Variants in BSCL2 observed in about 807,000 individuals in gnomAD.
The protein encoded by BSCL2 is BSCL2 lipid droplet biogenesis associated, seipin.
BSCL2 carries 41 observed loss-of-function variants against 57.4 expected under a neutral mutation model. The observed-to-expected ratio is 0.71, with a 90% CI of 0.56 to 0.93. BSCL2 has a LOEUF of 0.93. BSCL2 is among the 40% of genes least tolerant of loss of function. The probability of loss-of-function intolerance (pLI) is 0.00; values close to 1 mark genes in which losing one functional copy is unlikely to be tolerated. For synonymous variants in BSCL2, 237 were observed against 227.3 expected (o/e 1.04, Z -0.38); for missense variants, 539 against 586.7 (o/e 0.92, Z 0.84).
At chr11:62,706,539 C>T in intron 1 of BSCL2, 1 of 458,188 alleles carries the variant, frequency 2.2e-6, no homozygotes, top group Non-Finnish European at 4.4e-6. Flanking sequence ...CCAAGATGTG[C>T]CCCAGGGGAT....
intron 3 of BSCL2, among the ~76,000 whole-genome samples, chr11:62,698,796 T>C (rs1444480751): frequency 6.6e-6 from 1 of 152,232 alleles, no homozygotes; most frequent in Admixed American, 6.5e-5. Flanking sequence ...GCTCCCTCCC[T>C]TGGCTCTCTG....
intron 2 of BSCL2, among the ~76,000 whole-genome samples, chr11:62,704,820 AC>A (rs1182125211): frequency 6.6e-6 from 1 of 152,012 alleles, no homozygotes; most frequent in Non-Finnish European, 1.5e-5. Flanking sequence ...AAGACGCAAG[AC>A]TCTCTGGGAA....
At chr11:62,694,853 C>A (rs1945410309) in intron 3 of BSCL2, 142 bp from the exon 4 acceptor site, 1 of 1,019,446 alleles carries the variant, frequency 9.8e-7, no homozygotes. Flanking sequence ...GCCTTTCAAT[C>A]TGTCATCCCA....
intron 6 of BSCL2, among the ~76,000 whole-genome samples, chr11:62,692,023 G>C (rs2134694101): frequency 6.8e-6 from 1 of 146,906 alleles, no homozygotes; most frequent in African/African-American, 2.5e-5. Context: ...CTGCACTCCA[G>C]CCTAGGCAAC....
At chr11:62,704,330 G>A (rs1945747499) in intron 2 of BSCL2, among the ~76,000 whole-genome samples, 1 of 131,390 alleles carries the variant, frequency 7.6e-6, no homozygotes, top group South Asian at 2.5e-4. Flanking sequence ...TCAGGAGATT[G>A]AGACCATCCT....
upstream of BSCL2, chr11:62,707,740 G>T: frequency 3.3e-6 from 1 of 303,750 alleles, no homozygotes; most frequent in Non-Finnish European, 6.4e-6. Flanking sequence ...CAGAAACTGA[G>T]ACCAGACCTC....
chr11:62,700,031 G>C (rs1945592565), intron 3 of BSCL2, among the ~76,000 whole-genome samples: 2 of 138,950 alleles, frequency 1.4e-5, no homozygotes, highest in Non-Finnish European at 3.0e-5. Flanking sequence ...CTTGAGCCTA[G>C]TAGTTTGAGA....
At chr11:62,698,670 T>C (rs999409315) in intron 3 of BSCL2, among the ~76,000 whole-genome samples, 4 of 152,236 alleles carry the variant, frequency 2.6e-5, no homozygotes, top group African/African-American at 9.6e-5. Context: ...ATGTTCATTG[T>C]CAACAAACAA....
At position 62,694,557 on chromosome 11, in the gene BSCL2, C is replaced by T. The variant is rs779498581; in HGVS notation, c.630+11G>A. ...CCTCCACACCTTCTCAGACAGGCCA[C>T]CAACACTTACCGAACGCGAAGAAGT... On this transcript the variant is annotated intron_variant, in intron 4 of 10. Transcript: ENST00000360796. The T allele has an allele frequency of 1.9e-5, 30 of 1,613,914 alleles. No homozygotes were observed. The highest frequency in any genetic ancestry group is 2.5e-5 in the Non-Finnish European group (30 of 1,179,976).
At chr11:62,694,065 C>T (rs569146826) in intron 4 of BSCL2, among the ~76,000 whole-genome samples, 4 of 152,062 alleles carry the variant, frequency 2.6e-5, no homozygotes, top group South Asian at 2.1e-4. Flanking sequence ...CTACCCGCCT[C>T]GGCCTCCCAG....
At chr11:62,706,129 C>G (rs952230391) in intron 1 of BSCL2, 1 of 813,312 alleles carries the variant, frequency 1.2e-6, no homozygotes, top group Non-Finnish European at 1.5e-6. Context: ...CCCGGCGGAG[C>G]GCCCTGCAGC....
intron 3 of BSCL2, among the ~76,000 whole-genome samples, chr11:62,695,854 T>C (rs1945445111): frequency 6.6e-6 from 1 of 152,040 alleles, no homozygotes; most frequent in Non-Finnish European, 1.5e-5. Flanking sequence ...TAGGGGCCTT[T>C]TTTTGTACCT....
intron 1 of BSCL2, 87 bp from the exon 2 acceptor site, chr11:62,705,704 G>A: frequency 7.9e-7 from 1 of 1,268,572 alleles, no homozygotes; most frequent in East Asian, 2.6e-5. Context: ...TTTGAGGAAC[G>A]AGAGATAGCA....
chr11:62,709,319 A>C, upstream of BSCL2: 1 of 454,100 alleles, frequency 2.2e-6, no homozygotes, highest in Non-Finnish European at 4.4e-6. Flanking sequence ...CGGAGATCAG[A>C]GGGGTCGGGG....
upstream of BSCL2, chr11:62,708,421 T>G (rs754636142): frequency 4.7e-6 from 7 of 1,497,998 alleles, no homozygotes; most frequent in Admixed American, 1.2e-4. Context: ...CTGGCTCCCA[T>G]TAGTTGGCCA....
chr11:62,694,607 G>A lies in BSCL2; in HGVS notation c.591C>T (p.Tyr197=), dbSNP rs1402657239. 3 of 1,614,018 alleles carry A rather than the reference G, an allele frequency of 1.9e-6. No homozygotes were observed. Among genetic ancestry groups the A allele is most frequent in the Admixed American group, 3.3e-5 (2 of 59,986 alleles). Residue 197 remains tyrosine (Y), a synonymous_variant, in exon 4 of 11, where the codon TAC becomes TAT. Coordinates refer to ENST00000360796, the MANE Select transcript of BSCL2 (RefSeq NM_001122955.4). ...TGGAGATGATTCGGCCACCTCTGGT[G>A]TAGCAGGAAATGGTGACCAAGAACA... ...LGMFLVTISC[Y]TRGGRIISTS...
intron 3 of BSCL2, among the ~76,000 whole-genome samples, chr11:62,698,206 C>CAGAATCCGCATTTTACAGTT (rs1426241661): frequency 3.6e-5 from 5 of 140,670 alleles, no homozygotes; most frequent in Middle Eastern, 5.5e-3. Flanking sequence ...CGTGCCCGGC[C>CAGAATCCGCATTTTACAGTT]TCTTCTTTTT....
chr11:62,693,135 TC>T lies in BSCL2; in HGVS notation c.631-339del, dbSNP rs371078104. ...AGTCCCAGCGCACCATCTGAAGCTT[TC>T]CCCCCATCATGTAGACATCAGGAAT... On this transcript the variant is annotated intron_variant, in intron 4 of 10. Transcript: ENST00000360796. 4.0e-3 allele frequency among the ~76,000 whole-genome samples: 616 copies of T among 152,198 alleles called. 4 individuals are homozygous for T. Among genetic ancestry groups the T allele is most frequent in the African/African-American group, 0.013 (549 of 41,502 alleles).
intron 3 of BSCL2, among the ~76,000 whole-genome samples, chr11:62,701,169 T>C (rs551902765): frequency 2.0e-5 from 3 of 152,294 alleles, no homozygotes; most frequent in South Asian, 4.1e-4. Flanking sequence ...AACTCTTGGG[T>C]AGATGCCCAT....
Sources: allele counts gnomAD v4.1 joint callset (sites outside exome capture counted in the v4.1 genomes callset), GRCh38; gene constraint gnomAD v4.1.1; transcripts MANE v1.5; gene names NCBI Gene and HGNC (gene_info 2026-07-23, HGNC 2026-07-21).